The following CDH12 variants were observed in gnomAD, a reference collection of about 807,000 sequenced individuals.
The protein encoded by CDH12 is cadherin-12.
In CDH12, 41 loss-of-function variants were observed where a neutral mutation model predicts 74.1. The ratio of observed to expected loss-of-function variants is 0.55; its 90% CI spans 0.43 to 0.72. The LOEUF is 0.72. CDH12 is among the 30% of genes least tolerant of loss of function. The pLI is 0.00. For synonymous variants in CDH12, 399 were observed against 355.0 expected (o/e 1.12, Z -1.39); for missense variants, 945 against 977.2 (o/e 0.97, Z 0.44).
intron 1 of CDH12, among the ~76,000 whole-genome samples, chr5:22,808,669 G>A (rs1211196197): frequency 1.4e-5 from 2 of 140,436 alleles, no homozygotes; most frequent in South Asian, 2.3e-4. Flanking sequence ...GCAGTGGTGC[G>A]ATCTCAGCTC....
intron 2 of CDH12, among the ~76,000 whole-genome samples, chr5:22,454,367 A>T (rs1192613003): frequency 2.6e-5 from 4 of 152,190 alleles, no homozygotes; most frequent in Admixed American, 6.5e-5. Flanking sequence ...TACTTATGAG[A>T]TCCCTACACA....
At chr5:22,428,901 CAT>C (rs1489588219) in intron 2 of CDH12, among the ~76,000 whole-genome samples, 2 of 152,120 alleles carry the variant, frequency 1.3e-5, no homozygotes, top group African/African-American at 2.4e-5. Context: ...AAATCAAAGT[CAT>C]ATGATCCTCA....
At chr5:22,123,732 C>T (rs1215719877) in intron 4 of CDH12, among the ~76,000 whole-genome samples, 1 of 152,126 alleles carries the variant, frequency 6.6e-6, no homozygotes, top group Admixed American at 6.5e-5. Context: ...AGTTAATCCT[C>T]ATAACAACCA....
intron 3 of CDH12, among the ~76,000 whole-genome samples, chr5:22,255,620 T>C (rs1753283730): frequency 6.6e-6 from 1 of 151,784 alleles, no homozygotes; most frequent in Non-Finnish European, 1.5e-5. Flanking sequence ...TATTACATTT[T>C]ATTTAATTTA....
At chr5:22,755,119 C>T (rs1745823739) in intron 1 of CDH12, among the ~76,000 whole-genome samples, 1 of 152,022 alleles carries the variant, frequency 6.6e-6, no homozygotes, top group Non-Finnish European at 1.5e-5. Flanking sequence ...ATTGTTGATA[C>T]TATATATTCT....
At chr5:22,198,150 G>T (rs960855344) in intron 4 of CDH12, among the ~76,000 whole-genome samples, 1 of 152,074 alleles carries the variant, frequency 6.6e-6, no homozygotes, top group Non-Finnish European at 1.5e-5. Flanking sequence ...TGTGCGTCTG[G>T]GTGAATGTCT....
chr5:21,984,066 G>A (rs1328989429), intron 5 of CDH12, among the ~76,000 whole-genome samples: 2 of 152,100 alleles, frequency 1.3e-5, no homozygotes, highest in Non-Finnish European at 2.9e-5. Flanking sequence ...TTCATAAGGC[G>A]AGCTTTTCTT....
chr5:22,313,929 A>G (rs1339003596), intron 3 of CDH12, among the ~76,000 whole-genome samples: 1 of 152,168 alleles, frequency 6.6e-6, no homozygotes, highest in Non-Finnish European at 1.5e-5. Flanking sequence ...TAATTTGCCC[A>G]TGTAACAAAA....
intron 4 of CDH12, among the ~76,000 whole-genome samples, chr5:22,139,816 C>T (rs1040476596): frequency 1.3e-5 from 2 of 152,130 alleles, no homozygotes; most frequent in African/African-American, 4.8e-5. Context: ...ATCTTAATCA[C>T]GTTCGAGCTG....
intron 6 of CDH12, among the ~76,000 whole-genome samples, chr5:21,861,308 A>G (rs1177816351): frequency 1.3e-5 from 2 of 151,904 alleles, no homozygotes; most frequent in Admixed American, 1.3e-4. Context: ...ACTACACATT[A>G]ATTTTTCCCC....
At chr5:21,886,523 A>G (rs1752639444) in intron 6 of CDH12, among the ~76,000 whole-genome samples, 1 of 146,828 alleles carries the variant, frequency 6.8e-6, no homozygotes, top group East Asian at 2.0e-4. Flanking sequence ...GTTTACATAT[A>G]TTATTATATT....
At position 22,569,773 on chromosome 5, in the gene CDH12, T is replaced by G. The variant is rs182429147; in HGVS notation, c.-522-64409A>C. Among the ~76,000 whole-genome samples, 7 of 152,252 alleles carry G rather than the reference T, an allele frequency of 4.6e-5. No individual in the cohort carries two copies. In the East Asian group the frequency reaches 1.4e-3, roughly 30 times the overall value. On this transcript the variant is annotated intron_variant, in intron 1 of 14. Transcript: ENST00000382254. The stretch of plus-strand genomic sequence containing the variant: ...CCACTTCTAAACTTCTAACTCTAGT[T>G]TTTTTGCTATATCTACCATACTTGC...
intron 3 of CDH12, among the ~76,000 whole-genome samples, chr5:22,375,253 G>A (rs1741470958): frequency 1.3e-5 from 2 of 152,044 alleles, no homozygotes; most frequent in Admixed American, 1.3e-4. Context: ...GCAGAAGAAT[G>A]AAAATGGACT....
chr5:22,426,767 A>G (rs1297855393), intron 2 of CDH12, among the ~76,000 whole-genome samples: 1 of 152,222 alleles, frequency 6.6e-6, no homozygotes, highest in Non-Finnish European at 1.5e-5. Flanking sequence ...ATATCACCAC[A>G]GTCATCTTTC....
At chr5:22,497,576 TGAAAA>T in intron 2 of CDH12, among the ~76,000 whole-genome samples, 1 of 150,412 alleles carries the variant, frequency 6.6e-6, no homozygotes, top group Non-Finnish European at 1.5e-5. Context: ...AGAAGTCCTC[TGAAAA>T]GATAAAACCA....
chr5:21,860,745 T>G (rs1033178005), intron 6 of CDH12, among the ~76,000 whole-genome samples: 1 of 152,024 alleles, frequency 6.6e-6, no homozygotes. Flanking sequence ...TTTTGGACTC[T>G]TGGACATACA....
rs1328200515 is a variant in CDH12 at position 21,884,033 on chromosome 5, G to A, written c.527-29243C>T. On this transcript the variant is annotated intron_variant, in intron 6 of 14. Coordinates refer to ENST00000382254, the MANE Select transcript of CDH12 (RefSeq NM_004061.5). ...AAATTCCAGCAATGACCACTGCTAC[G>A]AATGCAGGTGTTGAAGGATCTTTGA... is the stretch of plus-strand genomic sequence containing the variant. 3.5e-5 allele frequency: 51 copies of A among 1,449,588 alleles called. 1 individual carries two copies. The South Asian group carries it at 3.7e-4, about 10-fold the overall frequency. 89.8% of individuals were successfully genotyped at this position (1,449,588 alleles called of 1,614,324 possible).
chr5:22,152,039 A>G (rs1282399735), intron 4 of CDH12: 1 of 152,118 alleles, frequency 6.6e-6, no homozygotes, highest in Non-Finnish European at 1.5e-5. Flanking sequence ...CTATTTCATG[A>G]TAACAGCTCA....
At chr5:22,325,627 C>T (rs540267309) in intron 3 of CDH12, among the ~76,000 whole-genome samples, 1 of 152,278 alleles carries the variant, frequency 6.6e-6, no homozygotes, top group East Asian at 1.9e-4. Context: ...TGGCTCACAC[C>T]TGTAATCCCA....
Sources: allele counts gnomAD v4.1 joint callset (sites outside exome capture counted in the v4.1 genomes callset), GRCh38; gene constraint gnomAD v4.1.1; transcripts MANE v1.5; gene names NCBI Gene and HGNC (gene_info 2026-07-23, HGNC 2026-07-21).